The following CNKSR3 variants were observed in gnomAD, a reference collection of about 807,000 sequenced individuals.
The protein encoded by CNKSR3 is connector enhancer of kinase suppressor of ras 3.
In CNKSR3, 36 loss-of-function variants were observed where a neutral mutation model predicts 67.7. The ratio of observed to expected loss-of-function variants is 0.53; its 90% confidence interval spans 0.41 to 0.70. The LOEUF (loss-of-function observed/expected upper bound fraction) is 0.70, where lower values mean the gene tolerates loss of function less well. CNKSR3 is among the 30% of genes least tolerant of loss of function. CNKSR3 has a pLI of 0.00. For missense variants in CNKSR3, 630 were observed against 695.2 expected, an observed-to-expected ratio of 0.91 and a Z score of 1.05; for synonymous variants, 281 against 271.4, an observed-to-expected ratio of 1.04 and a Z score of -0.35.
rs536429385 is a variant in CNKSR3, at chr6:154,442,833, CT to C, written c.217-544del. On this transcript the variant is annotated intron_variant, in intron 2 of 12. Transcript: ENST00000607772. ...AGGGACTTTGTTCTTGATAGTTCCT[CT>C]TCCCCAAATGCGCCTCCTACAAATA... Among the ~76,000 whole-genome samples, 250 of 152,294 alleles carry C rather than the reference CT, an allele frequency of 1.6e-3. 1 individual carries two copies. Among genetic ancestry groups the C allele is most frequent in the Non-Finnish European group, 3.0e-3 (203 of 68,022 alleles).
At chr6:154,452,933 T>G (rs1785868774) in intron 1 of CNKSR3, among the ~76,000 whole-genome samples, 1 of 152,266 alleles carries the variant, frequency 6.6e-6, no homozygotes, top group Non-Finnish European at 1.5e-5. Flanking sequence ...TAAATTTCTG[T>G]TGTTCCGGCC....
chr6:154,480,487 C>T (rs1035382346), intron 1 of CNKSR3, among the ~76,000 whole-genome samples: 8 of 152,166 alleles, frequency 5.3e-5, no homozygotes, highest in African/African-American at 1.9e-4. Context: ...TTGAGAGCGG[C>T]GGAGTCTCAT....
intron 1 of CNKSR3, among the ~76,000 whole-genome samples, chr6:154,465,135 T>C (rs1786168105): frequency 8.1e-6 from 1 of 122,808 alleles, no homozygotes; most frequent in Non-Finnish European, 1.6e-5. Flanking sequence ...GGCAAGATTC[T>C]GTCTCAAAAA....
chr6:154,454,014 C>T, intron 1 of CNKSR3, among the ~76,000 whole-genome samples: 1 of 151,854 alleles, frequency 6.6e-6, no homozygotes. Context: ...CCCAGACCTA[C>T]TCTACTGTCA....
Position 154,398,604 on chromosome 6 carries a change from G to A in CNKSR3, c.*7750C>T, listed in dbSNP as rs933088987. 1 of 152,128 alleles carries A rather than the reference G, an allele frequency of 6.6e-6. No individual in the cohort carries two copies. Among genetic ancestry groups the A allele is most frequent in the African/African-American group, 2.4e-5 (1 of 41,406 alleles). The allele number at this position is 152,128 out of a possible 1,614,324, so 9.4% of individuals were successfully genotyped here. ...ATTATTCCTTTATTTAAAACCACAG[G>A]AAACATAGAAACGAGTTTGAGGAAT... is the stretch of plus-strand genomic sequence containing the variant. On this transcript the variant is annotated 3_prime_UTR_variant, in exon 13 of 13. Transcript: ENST00000607772.
intron 1 of CNKSR3, among the ~76,000 whole-genome samples, chr6:154,480,635 G>C (rs566187786): frequency 6.6e-6 from 1 of 152,306 alleles, no homozygotes; most frequent in East Asian, 1.9e-4. Flanking sequence ...CATCATGTGA[G>C]CGTGTCCCTG....
Position 154,394,667 on chromosome 6 carries a change from A to AAAAT in CNKSR3, c.*11683_*11686dup, listed in dbSNP as rs975241236. 12 of 152,122 alleles carry AAAAT rather than the reference A, an allele frequency of 7.9e-5. No individual in the cohort carries two copies. Among genetic ancestry groups the AAAAT allele is most frequent in the African/African-American group, 2.4e-4 (10 of 41,546 alleles). The allele number at this position is 152,122 out of a possible 1,614,324, so 9.4% of individuals were successfully genotyped here. ...TTCCAAAGGAAACAGAAGAAAATAG[A>AAAAT]AAATAAAAAGCAGAAATCAGTGAAA... On this transcript the variant is annotated 3_prime_UTR_variant, in exon 13 of 13. Transcript: ENST00000607772.
In CNKSR3 at chr6:154,430,467, C is replaced by T. The variant is rs1249925260; in HGVS notation, c.669+5G>A. On this transcript the variant is annotated splice_donor_5th_base_variant and intron_variant, in intron 6 of 12. Transcript: ENST00000607772. Reference sequence around the variant, plus strand: ...GAAAATAAAACAAGTGTTATTAGAACTTACCAGGCCTTCCCCAGGTTTAAT... The same window carrying T: ...GAAAATAAAACAAGTGTTATTAGAATTTACCAGGCCTTCCCCAGGTTTAAT... 1 of 1,602,332 alleles carries T rather than the reference C, an allele frequency of 6.2e-7. No individual in the cohort carries two copies. Among genetic ancestry groups the T allele is most frequent in the East Asian group, 2.3e-5 (1 of 44,334 alleles).
chr6:154,500,291 C>CACA (rs1685393539), intron 1 of CNKSR3, among the ~76,000 whole-genome samples: 1 of 134,538 alleles, frequency 7.4e-6, no homozygotes, highest in African/African-American at 2.9e-5. Context: ...ACACACACAT[C>CACA]CACTCCCAAT....
chr6:154,409,402 C>T (rs1784862892), intron 12 of CNKSR3, among the ~76,000 whole-genome samples: 1 of 152,032 alleles, frequency 6.6e-6, no homozygotes, highest in South Asian at 2.1e-4. Flanking sequence ...GCATAATAAC[C>T]AGGGACTTTG....
intron 1 of CNKSR3, among the ~76,000 whole-genome samples, chr6:154,469,536 C>A (rs553782251): frequency 6.6e-6 from 1 of 152,166 alleles, no homozygotes; most frequent in Admixed American, 6.5e-5. Context: ...AACAGTGGGA[C>A]GATGACACCA....
intron 1 of CNKSR3, among the ~76,000 whole-genome samples, chr6:154,459,214 G>A (rs781548330): frequency 2.0e-5 from 3 of 151,852 alleles, no homozygotes; most frequent in African/African-American, 7.3e-5. Flanking sequence ...ATATAAAGAC[G>A]ATGCATGTAA....
At position 154,447,296 on chromosome 6, in the gene CNKSR3, A is replaced by G. The variant is rs1379271709; in HGVS notation, c.216+2799T>C. Among the ~76,000 whole-genome samples, 2 of 152,178 alleles carry G rather than the reference A, an allele frequency of 1.3e-5. 1 individual carries two copies. The highest frequency in any genetic ancestry group is 4.8e-5 in the African/African-American group (2 of 41,442). ...TGAGTACTTGAAGTGTTGCTAGTACAACCGAGGAACTGAATTTTTTTTTTA... is the reference window on the plus strand; with the variant it reads ...TGAGTACTTGAAGTGTTGCTAGTACGACCGAGGAACTGAATTTTTTTTTTA... On this transcript the variant is annotated intron_variant, in intron 2 of 12. Transcript: ENST00000607772.
chr6:154,505,032 C>A (rs1393069436), intron 1 of CNKSR3, among the ~76,000 whole-genome samples: 1 of 151,282 alleles, frequency 6.6e-6, no homozygotes, highest in Non-Finnish European at 1.5e-5. Context: ...TGAACTATGG[C>A]CAAATGGTAG....
chr6:154,489,848 T>C (rs780637997), intron 1 of CNKSR3, among the ~76,000 whole-genome samples: 6 of 152,138 alleles, frequency 3.9e-5, no homozygotes, highest in Non-Finnish European at 5.9e-5. Context: ...CTAGAAACAA[T>C]TCCTAATCGT....
Position 154,510,273 on chromosome 6 carries a change from G to A in CNKSR3, c.-159C>T, listed in dbSNP as rs990247079. On this transcript the variant is annotated 5_prime_UTR_variant, in exon 1 of 13. Transcript: ENST00000607772. The stretch of plus-strand genomic sequence containing the variant: ...TGGCCGCGGTCAGCCAGTCGTCCCA[G>A]CGCGGCTCCGCCAGGGGAGCCCGGC... The A allele has an allele frequency of 1.4e-6, 1 of 725,374 alleles. No individual in the cohort carries two copies. Among genetic ancestry groups the A allele is most frequent in the African/African-American group, 1.8e-5 (1 of 55,334 alleles). The allele number at this position is 725,374 out of a possible 1,614,324, so 44.9% of individuals were successfully genotyped here. A position where few individuals can be genotyped will look rare whatever the true frequency, so the allele number is the denominator to read the frequency against.
intron 1 of CNKSR3, among the ~76,000 whole-genome samples, chr6:154,451,498 T>TAG (rs1562338998): frequency 7.0e-4 from 10 of 14,310 alleles, no homozygotes; most frequent in African/African-American, 4.5e-3. Context: ...CACACACGCA[T>TAG]ACATGCACAC....
At chr6:154,481,323 ATATT>A (rs1199581463) in intron 1 of CNKSR3, among the ~76,000 whole-genome samples, 1 of 150,506 alleles carries the variant, frequency 6.6e-6, no homozygotes, top group Non-Finnish European at 1.5e-5. Flanking sequence ...TGCTTATTTG[ATATT>A]TATTTTATTT....
chr6:154,451,240 C>T (rs2128719308), intron 1 of CNKSR3, among the ~76,000 whole-genome samples: 1 of 152,328 alleles, frequency 6.6e-6, no homozygotes, highest in South Asian at 2.1e-4. Flanking sequence ...CTTGAGAATT[C>T]TTATTCCTGT....
Sources: allele counts gnomAD v4.1 joint callset (sites outside exome capture counted in the v4.1 genomes callset), GRCh38; gene constraint gnomAD v4.1.1; transcripts MANE v1.5; gene names NCBI Gene and HGNC (gene_info 2026-07-23, HGNC 2026-07-21).